The following PTPRR variants were observed in gnomAD, a reference collection of about 807,000 sequenced individuals.
PTPRR encodes receptor-type tyrosine-protein phosphatase R.
PTPRR carries 38 observed loss-of-function variants against 77.2 expected under a neutral mutation model. The ratio of observed to expected loss-of-function variants is 0.49; its 90% CI spans 0.38 to 0.65. The LOEUF (loss-of-function observed/expected upper bound fraction) is 0.65, where lower values mean the gene tolerates loss of function less well. Ranked by LOEUF, PTPRR falls within the 30% of genes least tolerant of loss-of-function variation. PTPRR has a pLI of 0.00. For missense variants in PTPRR, 744 were observed against 799.2 expected, an observed-to-expected ratio of 0.93 and a Z score of 0.83; for synonymous variants, 299 against 283.1, an observed-to-expected ratio of 1.06 and a Z score of -0.57.
chr12:70,741,405 A>T (rs1890041123), intron 6 of PTPRR, among the ~76,000 whole-genome samples: 2 of 152,142 alleles, frequency 1.3e-5, no homozygotes, highest in Non-Finnish European at 2.9e-5. Context: ...AGTGGGCTGG[A>T]GGAAGGAGGA....
At chr12:70,790,345 CCTT>C (rs1891400965) in intron 2 of PTPRR, among the ~76,000 whole-genome samples, 1 of 152,130 alleles carries the variant, frequency 6.6e-6, no homozygotes, top group Admixed American at 6.6e-5. Context: ...TGTTGATCTT[CCTT>C]CTTAACACAA....
At chr12:70,691,318 G>A (rs1344969495) in intron 8 of PTPRR, among the ~76,000 whole-genome samples, 1 of 151,730 alleles carries the variant, frequency 6.6e-6, no homozygotes, top group East Asian at 1.9e-4. Flanking sequence ...TCCTTTTTTC[G>A]AGTTTTCTCT....
intron 2 of PTPRR, among the ~76,000 whole-genome samples, chr12:70,852,639 T>C (rs908802359): frequency 6.6e-6 from 1 of 152,160 alleles, no homozygotes; most frequent in African/African-American, 2.4e-5. Flanking sequence ...TTGTGAGAAT[T>C]TAGAAGAGGC....
At chr12:70,792,295 AT>A (rs369129502) in intron 2 of PTPRR, among the ~76,000 whole-genome samples, 19 of 152,302 alleles carry the variant, frequency 1.2e-4, no homozygotes, top group African/African-American at 4.6e-4. Context: ...TTGGGCAGAG[AT>A]TTTCAGCGAT....
rs544483448 is a variant in PTPRR at position 70,658,357 on chromosome 12, C to T, written c.1767-1540G>A. Among the ~76,000 whole-genome samples, 113 of 152,314 alleles carry T rather than the reference C, an allele frequency of 7.4e-4. 1 individual carries two copies. Among genetic ancestry groups the T allele is most frequent in the Non-Finnish European group, 1.4e-3 (94 of 68,026 alleles). ...TGCTCCCCTCTTGGCACTCAAATAG[C>T]ACCTATTTCTCACATTTGGCACTTG... On this transcript the variant is annotated intron_variant, in intron 12 of 13. Coordinates refer to ENST00000283228, the MANE Select transcript of PTPRR (RefSeq NM_002849.4).
intron 13 of PTPRR, among the ~76,000 whole-genome samples, chr12:70,656,321 G>A (rs1886576721): frequency 1.3e-5 from 2 of 152,164 alleles, no homozygotes; most frequent in Admixed American, 1.3e-4. Flanking sequence ...CTTGTGGTCA[G>A]GAGTTGAAGA....
At chr12:70,779,862 A>C (rs916297483) in intron 2 of PTPRR, among the ~76,000 whole-genome samples, 13 of 152,222 alleles carry the variant, frequency 8.5e-5, no homozygotes, top group African/African-American at 3.1e-4. Flanking sequence ...ATACCTAATC[A>C]TTAAAAAACA....
chr12:70,920,711 C>T lies in PTPRR; in HGVS notation c.-321G>A, dbSNP rs1893845031. On this transcript the variant is annotated 5_prime_UTR_variant, in exon 1 of 14. Transcript: ENST00000283228. ...TGGACTCCGCGCCAGCCCAGCAGCC[C>T]AGCAGCAGCGCCGCGGCTACTGAGC... is the stretch of plus-strand genomic sequence containing the variant. 1.2e-5 allele frequency: 4 copies of T among 321,680 alleles called. No homozygotes were observed. Among genetic ancestry groups the T allele is most frequent in the Non-Finnish European group, 2.4e-5 (4 of 163,614 alleles). The allele number at this position is 321,680 out of a possible 1,614,324, so 19.9% of individuals were successfully genotyped here. A position where few individuals can be genotyped will look rare whatever the true frequency, so the allele number is the denominator to read the frequency against.
chr12:70,700,613 A>G (rs1022176616), intron 7 of PTPRR, among the ~76,000 whole-genome samples: 9 of 152,102 alleles, frequency 5.9e-5, no homozygotes, highest in Non-Finnish European at 1.0e-4. Flanking sequence ...CTTCTACTAT[A>G]TTAGTTTAGG....
At chr12:70,784,208 A>G (rs1379819044) in intron 2 of PTPRR, among the ~76,000 whole-genome samples, 1 of 152,168 alleles carries the variant, frequency 6.6e-6, no homozygotes, top group Non-Finnish European at 1.5e-5. Context: ...CTGTCTCCGG[A>G]GAGCACAGGG....
chr12:70,811,935 A>T (rs113943847), intron 2 of PTPRR, among the ~76,000 whole-genome samples: 7 of 152,336 alleles, frequency 4.6e-5, no homozygotes, highest in African/African-American at 1.7e-4. Context: ...GTCATCTAGC[A>T]CTGACTGATA....
intron 2 of PTPRR, among the ~76,000 whole-genome samples, chr12:70,837,663 A>G (rs1892327605): frequency 6.6e-6 from 1 of 152,124 alleles, no homozygotes; most frequent in South Asian, 2.1e-4. Context: ...GCCACCCTCT[A>G]GAAACCTCCA....
chr12:70,892,741 T>A lies in PTPRR; in HGVS notation c.295A>T (p.Met99Leu). 3 of 1,613,510 alleles carry A rather than the reference T, an allele frequency of 1.9e-6. No individual in the cohort carries two copies. The highest frequency in any genetic ancestry group is 2.5e-6 in the Non-Finnish European group (3 of 1,179,554). The part of the protein sequence containing the change: ...AYDPSLNLLA[M>L]DGQDLEVENL... ...TCCACTTCAAGATCTTGACCATCCA[T>A]GGCCAGCAGATTGAGAGACGGGTCA... Residue 99 changes from methionine to leucine, a missense_variant, in exon 2 of 14, where the codon ATG becomes TTG. Met to Leu is a conservative substitution (Grantham distance 15). This residue lies in a region of PTPRR where 570 missense variants were observed against 573.2 expected (regional missense o/e 0.99). Coordinates refer to ENST00000283228, the MANE Select transcript of PTPRR (RefSeq NM_002849.4).
chr12:70,802,783 T>C (rs1054456737), intron 2 of PTPRR, among the ~76,000 whole-genome samples: 7 of 152,224 alleles, frequency 4.6e-5, no homozygotes, highest in Non-Finnish European at 1.0e-4. Flanking sequence ...GAGATGTAGC[T>C]TTTCAATATA....
At chr12:70,845,186 G>A (rs1892463223) in intron 2 of PTPRR, among the ~76,000 whole-genome samples, 1 of 148,632 alleles carries the variant, frequency 6.7e-6, no homozygotes, top group Admixed American at 6.8e-5. Context: ...TTCAGTGGTG[G>A]GTGAGAGTTG....
chr12:70,724,506 TATTA>T (rs1207005579), intron 6 of PTPRR, among the ~76,000 whole-genome samples: 3 of 152,180 alleles, frequency 2.0e-5, no homozygotes, highest in Non-Finnish European at 4.4e-5. Flanking sequence ...TAACTGGTAT[TATTA>T]ATGTTTTTTA....
chr12:70,655,496 G>A (rs1163231763), intron 13 of PTPRR, among the ~76,000 whole-genome samples: 2 of 152,220 alleles, frequency 1.3e-5, no homozygotes, highest in South Asian at 2.1e-4. Flanking sequence ...AGCAACTGAA[G>A]TCTTCATCAA....
chr12:70,874,712 A>T (rs975323012), intron 2 of PTPRR, among the ~76,000 whole-genome samples: 4 of 152,098 alleles, frequency 2.6e-5, no homozygotes, highest in African/African-American at 9.7e-5. Flanking sequence ...TCACGAGGTC[A>T]AGAGATTGAG....
intron 2 of PTPRR, among the ~76,000 whole-genome samples, chr12:70,873,437 T>C (rs1445486463): frequency 6.6e-6 from 1 of 152,212 alleles, no homozygotes; most frequent in Admixed American, 6.5e-5. Context: ...CTTTTTATTG[T>C]TGCATTTTCA....
Sources: allele counts gnomAD v4.1 joint callset (sites outside exome capture counted in the v4.1 genomes callset), GRCh38; gene constraint gnomAD v4.1.1; regional missense constraint gnomAD v4.1.1; transcripts MANE v1.5; gene names NCBI Gene and HGNC (gene_info 2026-07-23, HGNC 2026-07-21).